The following COLEC12 variants were observed in gnomAD, a reference collection of about 807,000 sequenced individuals.
COLEC12 encodes the protein collectin subfamily member 12.
In COLEC12, 33 loss-of-function variants were observed where a neutral mutation model predicts 71.1. The ratio of observed to expected loss-of-function variants is 0.46; its 90% CI spans 0.35 to 0.62. COLEC12 has a LOEUF of 0.62. Among genes scored for constraint, COLEC12 ranks in the 20% least tolerant of loss-of-function variants. COLEC12 has a pLI of 0.00. For synonymous variants in COLEC12, 350 were observed against 353.0 expected (o/e 0.99, Z 0.10); for missense variants, 765 against 916.1 (o/e 0.84, Z 2.13).
At chr18:483,257 G>A (rs372315130) in intron 1 of COLEC12, among the ~76,000 whole-genome samples, 32 of 151,992 alleles carry the variant, frequency 2.1e-4, no homozygotes, top group East Asian at 9.7e-4. Context: ...AAAATTAGCC[G>A]GGCGTGGTGG....
chr18:427,523 G>C (rs1294029865), intron 2 of COLEC12, among the ~76,000 whole-genome samples: 2 of 152,160 alleles, frequency 1.3e-5, no homozygotes, highest in African/African-American at 4.8e-5. Context: ...TAGCTCTTTA[G>C]AGCTTCTTCA....
At chr18:342,917 T>A (rs1420919121) in intron 5 of COLEC12, among the ~76,000 whole-genome samples, 1 of 152,236 alleles carries the variant, frequency 6.6e-6, no homozygotes, top group Non-Finnish European at 1.5e-5. Context: ...AACCTCATTC[T>A]ATTATAATAG....
intron 2 of COLEC12, among the ~76,000 whole-genome samples, chr18:452,695 G>A (rs1916786965): frequency 6.6e-6 from 1 of 152,218 alleles, no homozygotes; most frequent in East Asian, 1.9e-4. Flanking sequence ...ATCAAAGCCA[G>A]GACCCAAAGA....
Position 375,311 on chromosome 18 carries a change from C to T in COLEC12, c.59-17789G>A, listed in dbSNP as rs545373101. 1.0e-3 allele frequency among the ~76,000 whole-genome samples: 158 copies of T among 152,356 alleles called. 1 individual carries two copies. Among genetic ancestry groups the T allele is most frequent in the African/African-American group, 3.6e-3 (149 of 41,586 alleles). On this transcript the variant is annotated intron_variant, in intron 2 of 9. Transcript: ENST00000400256. Reference sequence around the variant, plus strand: ...ACACACCAGGCCTGCCACCACAAGGCCTTTGCATGGGCCGTTTCCTCTGCC... The same window carrying T: ...ACACACCAGGCCTGCCACCACAAGGTCTTTGCATGGGCCGTTTCCTCTGCC...
At chr18:472,527 T>G (rs1917217734) in intron 2 of COLEC12, among the ~76,000 whole-genome samples, 1 of 151,186 alleles carries the variant, frequency 6.6e-6, no homozygotes, top group South Asian at 2.1e-4. Context: ...AGAAAAAAAT[T>G]TTTTTAAAAA....
At chr18:326,902 T>C (rs974894651) in intron 8 of COLEC12, among the ~76,000 whole-genome samples, 8 of 152,198 alleles carry the variant, frequency 5.3e-5, no homozygotes, top group African/African-American at 1.9e-4. Flanking sequence ...TATCCACAGT[T>C]AGGGTTGCTA....
At chr18:350,025 T>A (rs190292186) in intron 3 of COLEC12, among the ~76,000 whole-genome samples, 2 of 152,330 alleles carry the variant, frequency 1.3e-5, no homozygotes, top group Admixed American at 1.3e-4. Flanking sequence ...GTTAAAACTT[T>A]GTGGGACTGT....
intron 2 of COLEC12, among the ~76,000 whole-genome samples, chr18:406,820 TCA>T (rs1915800747): frequency 6.6e-6 from 1 of 152,236 alleles, no homozygotes; most frequent in Non-Finnish European, 1.5e-5. Flanking sequence ...AATTACCTCC[TCA>T]CTCGGTGCTG....
intron 2 of COLEC12, among the ~76,000 whole-genome samples, chr18:392,375 C>T (rs895244980): frequency 6.6e-6 from 1 of 152,226 alleles, no homozygotes; most frequent in African/African-American, 2.4e-5. Context: ...TCCATGCTAA[C>T]TTGATCAAGC....
chr18:445,795 G>A (rs904190140), intron 2 of COLEC12, among the ~76,000 whole-genome samples: 1 of 152,006 alleles, frequency 6.6e-6, no homozygotes, highest in Admixed American at 6.6e-5. Flanking sequence ...ACCACACCCG[G>A]CTAATTTTTT....
At position 354,663 on chromosome 18, in the gene COLEC12, CTG is replaced by C. The variant is rs555901367; in HGVS notation, c.181+2735_181+2736del. Among the ~76,000 whole-genome samples, 77 of 152,242 alleles carry C rather than the reference CTG, an allele frequency of 5.1e-4. 1 individual carries two copies. The highest frequency in any genetic ancestry group is 1.0e-3 in the Non-Finnish European group (68 of 68,024). ...TCTTACCAGCAAGAAAGAGGAGTCACTGTGTGAGTAAAGAGAAAGCACATCTG... is the reference window on the plus strand; with the variant it reads ...TCTTACCAGCAAGAAAGAGGAGTCACTGTGAGTAAAGAGAAAGCACATCTG... On this transcript the variant is annotated intron_variant, in intron 3 of 9. Transcript: ENST00000400256.
intron 2 of COLEC12, among the ~76,000 whole-genome samples, chr18:382,103 T>C (rs1279985496): frequency 6.6e-6 from 1 of 152,198 alleles, no homozygotes. Flanking sequence ...GTTGGAACAG[T>C]ATTTTTACTA....
chr18:500,415 G>C lies in COLEC12; in HGVS notation c.7+93C>G. On this transcript the variant is annotated intron_variant, in intron 1 of 9. Transcript: ENST00000400256. The surrounding 1 kb of genome is among the most constrained non-coding windows in gnomAD (Gnocchi z 5.3). ...GACTCCCCGGGCCCGCAGCCCAAGGGAAGGTTCGCGCGGGAGGCACCTCCG... is the reference window on the plus strand; with the variant it reads ...GACTCCCCGGGCCCGCAGCCCAAGGCAAGGTTCGCGCGGGAGGCACCTCCG... 1.3e-6 allele frequency: 1 copy of C among 764,880 alleles called. No individual in the cohort carries two copies. The allele number at this position is 764,880 out of a possible 1,614,324, so 47.4% of individuals were successfully genotyped here. A position where few individuals can be genotyped will look rare whatever the true frequency, so the allele number is the denominator to read the frequency against.
intron 2 of COLEC12, among the ~76,000 whole-genome samples, chr18:366,284 T>C (rs1156315301): frequency 6.6e-6 from 1 of 151,996 alleles, no homozygotes; most frequent in African/African-American, 2.4e-5. Flanking sequence ...CTCCGCAGAG[T>C]AACATTTGAG....
At chr18:330,437 C>T (rs972058693) in intron 8 of COLEC12, among the ~76,000 whole-genome samples, 1 of 152,034 alleles carries the variant, frequency 6.6e-6, no homozygotes, top group Admixed American at 6.5e-5. Flanking sequence ...CCTGGTGGAG[C>T]CCTGCAGGGT....
At chr18:367,197 AAT>A (rs1211948014) in intron 2 of COLEC12, among the ~76,000 whole-genome samples, 1 of 152,224 alleles carries the variant, frequency 6.6e-6, no homozygotes, top group African/African-American at 2.4e-5. Flanking sequence ...CTGAAGGACT[AAT>A]ATAATGACGA....
chr18:440,734 C>A (rs1471651066), intron 2 of COLEC12, among the ~76,000 whole-genome samples: 4 of 152,100 alleles, frequency 2.6e-5, no homozygotes, highest in Admixed American at 2.6e-4. Context: ...GTACTAATAC[C>A]TTACATTTGT....
At chr18:329,237 C>T (rs138905157) in intron 8 of COLEC12, among the ~76,000 whole-genome samples, 1 of 152,156 alleles carries the variant, frequency 6.6e-6, no homozygotes, top group Non-Finnish European at 1.5e-5. Flanking sequence ...AATGTTCCAG[C>T]TCAATCCATT....
In COLEC12 at chr18:346,827, C is replaced by A; in HGVS notation, c.795G>T (p.Leu265Phe). Residue 265 changes from leucine (L) to phenylalanine (F), a missense_variant, in exon 5 of 10, where the codon TTG becomes TTT. Coordinates refer to ENST00000400256, the MANE Select transcript of COLEC12 (RefSeq NM_130386.3). The surrounding 1 kb of genome is among the most constrained non-coding windows in gnomAD (Gnocchi z 4.0). Reference sequence around the variant, plus strand: ...CAGAGTTGTTGGCAGCCAGCGTCTGCAAGCTCTGCACTTTCTCCTTCAGCC... The same window carrying A: ...CAGAGTTGTTGGCAGCCAGCGTCTGAAAGCTCTGCACTTTCTCCTTCAGCC... The part of the protein sequence containing the change: ...TDWLKEKVQS[L>F]QTLAANNSAL... 6.2e-7 allele frequency: 1 copy of A among 1,614,154 alleles called. No homozygotes were observed. The highest frequency in any genetic ancestry group is 1.6e-4 in the Middle Eastern group (1 of 6,062).
Sources: allele counts gnomAD v4.1 joint callset (sites outside exome capture counted in the v4.1 genomes callset), GRCh38; gene constraint gnomAD v4.1.1; non-coding constraint Gnocchi (gnomAD v3.1); transcripts MANE v1.5; gene names NCBI Gene and HGNC (gene_info 2026-07-23, HGNC 2026-07-21).